The following TMTC1 variants were observed in gnomAD, a reference collection of about 807,000 sequenced individuals.
The protein encoded by TMTC1 is protein O-mannosyl-transferase TMTC1.
In TMTC1, 73 loss-of-function variants were observed where a neutral mutation model predicts 104.8. The observed-to-expected ratio is 0.70, with a 90% CI of 0.58 to 0.85. The LOEUF (loss-of-function observed/expected upper bound fraction) is 0.85, where lower values mean the gene tolerates loss of function less well. TMTC1 is among the 40% of genes least tolerant of loss of function. TMTC1 has a pLI of 0.00. For synonymous variants in TMTC1, 434 were observed against 428.7 expected (o/e 1.01, Z -0.15); for missense variants, 1,035 against 1,096.1 (o/e 0.94, Z 0.79).
chr12:29,597,193 C>CT (rs780984358), intron 7 of TMTC1, among the ~76,000 whole-genome samples: 6 of 148,650 alleles, frequency 4.0e-5, no homozygotes, highest in Non-Finnish European at 7.4e-5. Context: ...TCCATGTGAA[C>CT]TTTTTTTTTC....
chr12:29,563,340 C>T lies in TMTC1; in HGVS notation c.1533-6340G>A, dbSNP rs115586530. On this transcript the variant is annotated intron_variant, in intron 9 of 17. Coordinates refer to ENST00000539277, the MANE Select transcript of TMTC1 (RefSeq NM_001193451.2). ...TTTCTGTGTGACAGATCAGTGTGCA[C>T]CTGGGATCCTTGTTGCACTAACACT... 5.2e-3 allele frequency among the ~76,000 whole-genome samples: 786 copies of T among 152,282 alleles called. 6 individuals are homozygous for T. The highest frequency in any genetic ancestry group is 0.018 in the African/African-American group (762 of 41,548).
chr12:29,638,731 G>A (rs983461501), intron 5 of TMTC1, among the ~76,000 whole-genome samples: 2 of 152,118 alleles, frequency 1.3e-5, no homozygotes, highest in South Asian at 4.1e-4. Context: ...TGCATGCTTC[G>A]GCTAAGGGTT....
chr12:29,676,924 A>C (rs1940747940), intron 5 of TMTC1, among the ~76,000 whole-genome samples: 1 of 152,196 alleles, frequency 6.6e-6, no homozygotes, highest in South Asian at 2.1e-4. Context: ...GAAGAAAAAC[A>C]TCCTGTCCTC....
intron 2 of TMTC1, among the ~76,000 whole-genome samples, chr12:29,765,079 A>T (rs1275969508): frequency 6.6e-6 from 1 of 152,240 alleles, no homozygotes; most frequent in Admixed American, 6.5e-5. Flanking sequence ...ATGGTTTTAT[A>T]GTAAAACATG....
chr12:29,607,131 G>C (rs1946723658), intron 6 of TMTC1, among the ~76,000 whole-genome samples: 1 of 152,192 alleles, frequency 6.6e-6, no homozygotes, highest in Non-Finnish European at 1.5e-5. Context: ...GTGTTCATCT[G>C]TTCCTCCACC....
chr12:29,641,567 C>A (rs538727143), intron 5 of TMTC1, among the ~76,000 whole-genome samples: 2 of 152,202 alleles, frequency 1.3e-5, no homozygotes, highest in East Asian at 1.9e-4. Context: ...GGGAACACAC[C>A]GTGGGACAAA....
chr12:29,591,204 T>G (rs1946272428), intron 7 of TMTC1, among the ~76,000 whole-genome samples: 1 of 152,208 alleles, frequency 6.6e-6, no homozygotes, highest in Non-Finnish European at 1.5e-5. Context: ...GTTTCTCCAC[T>G]ATGAAACTTC....
intron 4 of TMTC1, among the ~76,000 whole-genome samples, chr12:29,753,423 C>A (rs1943139410): frequency 6.6e-6 from 1 of 152,238 alleles, no homozygotes; most frequent in Admixed American, 6.5e-5. Context: ...GTGCTCCGGG[C>A]TAACCCTGTG....
chr12:29,775,242 T>C (rs1361089364), intron 1 of TMTC1, among the ~76,000 whole-genome samples: 3 of 152,172 alleles, frequency 2.0e-5, no homozygotes, highest in Non-Finnish European at 4.4e-5. Flanking sequence ...AATGTGTGTT[T>C]GGTGTTTGGT....
chr12:29,662,719 C>T (rs1384705907), intron 5 of TMTC1, among the ~76,000 whole-genome samples: 1 of 151,254 alleles, frequency 6.6e-6, no homozygotes, highest in Non-Finnish European at 1.5e-5. Context: ...TGTGGCTCCT[C>T]TGCTTTGTAA....
At chr12:29,511,606 G>A (rs1332165969) in intron 17 of TMTC1, among the ~76,000 whole-genome samples, 1 of 152,104 alleles carries the variant, frequency 6.6e-6, no homozygotes, top group Non-Finnish European at 1.5e-5. Context: ...AAAAATTAGG[G>A]AGAAAAGGTA....
intron 5 of TMTC1, chr12:29,658,767 G>C (rs550431226): frequency 2.4e-4 from 45 of 185,490 alleles, no homozygotes; most frequent in Middle Eastern, 6.0e-3. Context: ...CATCTATGGG[G>C]TGCCTCTCCT....
intron 9 of TMTC1, among the ~76,000 whole-genome samples, chr12:29,558,393 C>T (rs940145093): frequency 1.4e-4 from 21 of 152,298 alleles, no homozygotes; most frequent in Admixed American, 1.3e-3. Flanking sequence ...GAAGAGGTTC[C>T]TATTAAAAGG....
chr12:29,656,581 T>C lies in TMTC1; in HGVS notation c.939-23245A>G, dbSNP rs1425237379. On this transcript the variant is annotated intron_variant, in intron 5 of 17. Coordinates refer to ENST00000539277, the MANE Select transcript of TMTC1 (RefSeq NM_001193451.2). ...TGTTGGCCAGGCTGATATTTTATAT[T>C]TGAAACACAAGAACAGAAAGATGTT... Among the ~76,000 whole-genome samples the C allele has an allele frequency of 5.9e-5, 9 of 152,014 alleles. 1 individual carries two copies. The South Asian group carries it at 1.5e-3, about 25-fold the overall frequency.
At chr12:29,727,318 A>G (rs1363933402) in intron 5 of TMTC1, among the ~76,000 whole-genome samples, 3 of 152,250 alleles carry the variant, frequency 2.0e-5, no homozygotes, top group Non-Finnish European at 4.4e-5. Flanking sequence ...CACAGAGAGA[A>G]AGTGTGGGAA....
chr12:29,755,754 C>T lies in TMTC1; in HGVS notation c.686G>A (p.Cys229Tyr). 1 of 1,614,126 alleles carries T rather than the reference C, an allele frequency of 6.2e-7. No homozygotes were observed. Among genetic ancestry groups the T allele is most frequent in the East Asian group, 2.2e-5 (1 of 44,868 alleles). Residue 229 changes from cysteine (C) to tyrosine (Y), a missense_variant, in exon 4 of 18, where the codon TGC becomes TAC. Coordinates refer to ENST00000539277, the MANE Select transcript of TMTC1 (RefSeq NM_001193451.2). ...KETGITVFGV[C>Y]LVYDLFSLSN... ...AAGGGAAAAGAGGTCATAAACCAAG[C>T]ACACTCCAAACACCGTGATGCCTGT...
chr12:29,525,941 T>C (rs1944331179), intron 11 of TMTC1, among the ~76,000 whole-genome samples: 1 of 152,222 alleles, frequency 6.6e-6, no homozygotes, highest in East Asian at 1.9e-4. Flanking sequence ...GAAACACACT[T>C]TCTAATAATG....
At chr12:29,538,354 C>T (rs1322994653) in intron 10 of TMTC1, among the ~76,000 whole-genome samples, 1 of 152,052 alleles carries the variant, frequency 6.6e-6, no homozygotes, top group Non-Finnish European at 1.5e-5. Context: ...TTGTATCCCA[C>T]TAATTTGGCT....
chr12:29,602,982 T>C (rs757829012), intron 7 of TMTC1, among the ~76,000 whole-genome samples: 8 of 152,238 alleles, frequency 5.3e-5, no homozygotes, highest in Non-Finnish European at 1.2e-4. Context: ...CACAGATTGA[T>C]GCCACTTTTT....
Sources: allele counts gnomAD v4.1 joint callset (sites outside exome capture counted in the v4.1 genomes callset), GRCh38; gene constraint gnomAD v4.1.1; transcripts MANE v1.5; gene names NCBI Gene and HGNC (gene_info 2026-07-23, HGNC 2026-07-21).